LRP1B: variants seen among roughly 807,000 people sequenced by gnomAD.
The protein encoded by LRP1B is low-density lipoprotein receptor-related protein 1B.
In LRP1B, 217 loss-of-function variants were observed where a neutral mutation model predicts 556.6. That is an observed-to-expected ratio of 0.39 (90% confidence interval 0.35 to 0.44). LRP1B has a LOEUF of 0.44. Ranked by LOEUF, LRP1B falls within the 20% of genes least tolerant of loss-of-function variation. The probability of loss-of-function intolerance (pLI) is 1.00; values close to 1 mark genes in which losing one functional copy is unlikely to be tolerated. For synonymous variants in LRP1B, 2,047 were observed against 1,865.8 expected (o/e 1.10, Z -2.50); for missense variants, 5,053 against 5,620.8 (o/e 0.90, Z 3.23).
chr2:140,741,375 T>C (rs1211651510), intron 35 of LRP1B, among the ~76,000 whole-genome samples: 1 of 152,064 alleles, frequency 6.6e-6, no homozygotes, highest in Admixed American at 6.6e-5. Flanking sequence ...CAGAAACACT[T>C]AGAAGAGATT....
At chr2:140,545,121 T>C (rs1006356371) in intron 43 of LRP1B, among the ~76,000 whole-genome samples, 3 of 148,670 alleles carry the variant, frequency 2.0e-5, no homozygotes, top group Non-Finnish European at 3.0e-5. Flanking sequence ...TTTATGTCCT[T>C]TGCCCACATT....
At chr2:140,373,722 T>C (rs1040491506) in intron 68 of LRP1B, among the ~76,000 whole-genome samples, 2 of 152,152 alleles carry the variant, frequency 1.3e-5, no homozygotes, top group Admixed American at 6.6e-5. Context: ...TAGTGCGCGA[T>C]GATGGGCACA....
chr2:141,031,962 C>T (rs1159238479), intron 11 of LRP1B, among the ~76,000 whole-genome samples: 1 of 151,802 alleles, frequency 6.6e-6, no homozygotes. Context: ...CCTATAATCA[C>T]ATTTCTTTGT....
chr2:140,353,716 T>C (rs1012837680), intron 75 of LRP1B, among the ~76,000 whole-genome samples: 1 of 152,110 alleles, frequency 6.6e-6, no homozygotes, highest in Non-Finnish European at 1.5e-5. Context: ...ACACTGTTGC[T>C]TATATTTCAG....
chr2:141,041,912 C>T (rs1698713947), intron 11 of LRP1B, among the ~76,000 whole-genome samples: 1 of 151,938 alleles, frequency 6.6e-6, no homozygotes, highest in African/African-American at 2.4e-5. Flanking sequence ...ATCTTCCTCC[C>T]ATCAAAAATC....
chr2:140,517,185 A>T (rs1415229185), intron 49 of LRP1B, among the ~76,000 whole-genome samples, 174 bp from the exon 50 acceptor site: 1 of 152,166 alleles, frequency 6.6e-6, no homozygotes, highest in South Asian at 2.1e-4. Context: ...AGATTCAGAA[A>T]CTGTCCCAGA....
At chr2:140,654,025 C>CAAAAAAAA (rs61199077) in intron 41 of LRP1B, among the ~76,000 whole-genome samples, 1 of 35,402 alleles carries the variant, frequency 2.8e-5, no homozygotes, top group Non-Finnish European at 6.1e-5. Context: ...GACTCCATCT[C>CAAAAAAAA]AAAAAAAAAA....
At chr2:140,251,223 G>A (rs1681397344) in intron 86 of LRP1B, among the ~76,000 whole-genome samples, 1 of 151,624 alleles carries the variant, frequency 6.6e-6, no homozygotes, top group Non-Finnish European at 1.5e-5. Context: ...CTTTTATAAG[G>A]GGACAAACTA....
intron 7 of LRP1B, among the ~76,000 whole-genome samples, chr2:141,147,083 T>A (rs1701803866): frequency 6.6e-6 from 1 of 152,194 alleles, no homozygotes; most frequent in Non-Finnish European, 1.5e-5. Context: ...TCTTCTCCCC[T>A]CCTTTTCTGC....
chr2:141,978,528 T>C (rs1286013108), intron 1 of LRP1B, among the ~76,000 whole-genome samples: 1 of 152,048 alleles, frequency 6.6e-6, no homozygotes, highest in East Asian at 1.9e-4. Context: ...TTAAAAATTT[T>C]ATATTGTCTT....
chr2:141,641,301 T>C (rs1029359401), intron 2 of LRP1B, among the ~76,000 whole-genome samples: 13 of 152,148 alleles, frequency 8.5e-5, no homozygotes, highest in Admixed American at 8.5e-4. Flanking sequence ...AACATATGCA[T>C]TCAAACATCA....
intron 6 of LRP1B, among the ~76,000 whole-genome samples, chr2:141,222,681 C>T (rs1037548154): frequency 1.3e-5 from 2 of 152,106 alleles, no homozygotes; most frequent in Non-Finnish European, 2.9e-5. Context: ...AGTTTATCTA[C>T]CACAATCAAG....
chr2:141,187,928 C>G (rs1169814080), intron 7 of LRP1B, among the ~76,000 whole-genome samples: 2 of 151,798 alleles, frequency 1.3e-5, no homozygotes, highest in African/African-American at 4.8e-5. Context: ...AGTCATCGAA[C>G]GTAAGAGTCT....
intron 41 of LRP1B, among the ~76,000 whole-genome samples, chr2:140,648,868 C>T (rs542751269): frequency 2.1e-3 from 322 of 152,192 alleles, no homozygotes; most frequent in Non-Finnish European, 3.5e-3. Context: ...ACCCCTCACA[C>T]AATATCACTC....
At chr2:141,040,810 G>A (rs1698675828) in intron 11 of LRP1B, among the ~76,000 whole-genome samples, 1 of 152,052 alleles carries the variant, frequency 6.6e-6, no homozygotes, top group African/African-American at 2.4e-5. Context: ...AGTAGGGCTT[G>A]GCCCTTCAAT....
chr2:140,267,064 G>A (rs1682237470), intron 86 of LRP1B, among the ~76,000 whole-genome samples: 1 of 151,832 alleles, frequency 6.6e-6, no homozygotes. Context: ...CTATGAAAAG[G>A]GAATAACAAT....
chr2:141,540,765 G>A (rs1327363032), intron 2 of LRP1B, among the ~76,000 whole-genome samples: 3 of 151,872 alleles, frequency 2.0e-5, no homozygotes, highest in African/African-American at 7.2e-5. Flanking sequence ...CTGAAATATA[G>A]TTACCTGGAT....
In LRP1B at chr2:140,623,956, G is replaced by GTATGTATATATATATATATA. The variant is rs1553501210; in HGVS notation, c.6800-22318_6800-22317insTATATATATATATATACATA. On this transcript the variant is annotated intron_variant, in intron 41 of 90. Coordinates refer to ENST00000389484, the MANE Select transcript of LRP1B (RefSeq NM_018557.3). ...AAAATATATATTATATTTTATTTAT[G>GTATGTATATATATATATATA]TATATATATATATATATAGCTTAGT... is the stretch of plus-strand genomic sequence containing the variant. 3.8e-5 allele frequency among the ~76,000 whole-genome samples: 4 copies of GTATGTATATATATATATATA among 106,436 alleles called. 1 individual carries two copies. The highest frequency in any genetic ancestry group is 1.4e-4 in the African/African-American group (4 of 29,384). 69.8% of individuals were successfully genotyped at this position (106,436 alleles called of 152,430 possible).
In LRP1B at chr2:141,123,247, A is replaced by T. The variant is rs141158399; in HGVS notation, c.1014-60974T>A. On this transcript the variant is annotated intron_variant, in intron 7 of 90. Transcript: ENST00000389484. ...CCTAGAACTTAAAGTATAATAAAAA[A>T]AAATAAATAAATAAATAAAAAAAAG... 5.2e-3 allele frequency among the ~76,000 whole-genome samples: 737 copies of T among 140,704 alleles called. 9 individuals are homozygous for T. Among genetic ancestry groups the T allele is most frequent in the African/African-American group, 0.016 (633 of 39,466 alleles). 92.3% of individuals were successfully genotyped at this position (140,704 alleles called of 152,430 possible). A position where few individuals can be genotyped will look rare whatever the true frequency, so the allele number is the denominator to read the frequency against.
Sources: allele counts gnomAD v4.1 joint callset (sites outside exome capture counted in the v4.1 genomes callset), GRCh38; gene constraint gnomAD v4.1.1; transcripts MANE v1.5; gene names NCBI Gene and HGNC (gene_info 2026-07-23, HGNC 2026-07-21).